AFG1L: variants seen among roughly 807,000 people sequenced by gnomAD.
AFG1L encodes the protein AFG1-like ATPase.
In AFG1L, 53 loss-of-function variants were observed where a neutral mutation model predicts 62.2. The observed-to-expected ratio is 0.85, with a 90% CI of 0.68 to 1.07. AFG1L has a LOEUF of 1.07. Among genes scored for constraint, AFG1L ranks in the 50% least tolerant of loss-of-function variants. The pLI, the probability that AFG1L is intolerant of heterozygous loss-of-function variation, is 0.00. For missense variants in AFG1L, 555 were observed against 590.5 expected (o/e 0.94, Z 0.62); for synonymous variants, 228 against 210.3 (o/e 1.08, Z -0.73).
At chr6:108,495,302 C>T (rs1050679616) in intron 10 of AFG1L, among the ~76,000 whole-genome samples, 1 of 152,130 alleles carries the variant, frequency 6.6e-6, no homozygotes, top group Middle Eastern at 3.2e-3. Flanking sequence ...CAGCTATCAG[C>T]GTATTCCTAC....
chr6:108,423,485 A>C (rs1028601435), intron 7 of AFG1L, among the ~76,000 whole-genome samples: 3 of 152,086 alleles, frequency 2.0e-5, no homozygotes, highest in Non-Finnish European at 4.4e-5. Context: ...TTAGGGCTTC[A>C]AGATATCTAA....
chr6:108,366,324 C>G lies in AFG1L; in HGVS notation c.740C>G (p.Pro247Arg). Residue 247 changes from proline (P) to arginine (R), a missense_variant, in exon 6 of 13, where the codon CCA (proline) becomes CGA (arginine). Coordinates refer to ENST00000368977, the MANE Select transcript of AFG1L (RefSeq NM_145315.5). ...GTCGTTGTGGCAACATCCAACAGGC[C>G]ACCGGAAGGTAAAAACAAACATTGT... ...GVVVVATSNR[P>R]PEDLYKNGLQ... The G allele has an allele frequency of 6.2e-7, 1 of 1,608,696 alleles. No individual in the cohort carries two copies. The highest frequency in any genetic ancestry group is 1.1e-5 in the South Asian group (1 of 90,674).
chr6:108,364,875 A>AG (rs1359130390), intron 5 of AFG1L, among the ~76,000 whole-genome samples: 1 of 151,636 alleles, frequency 6.6e-6, no homozygotes, highest in Non-Finnish European at 1.5e-5. Flanking sequence ...CAAAAAAAAA[A>AG]AAAAAAAAAA....
intron 6 of AFG1L, among the ~76,000 whole-genome samples, chr6:108,387,107 A>T (rs1262542939): frequency 6.6e-6 from 1 of 152,254 alleles, no homozygotes; most frequent in Non-Finnish European, 1.5e-5. Context: ...AAAGACACAG[A>T]TAGATCAAAA....
intron 1 of AFG1L, chr6:108,318,238 A>G: frequency 3.2e-6 from 1 of 312,682 alleles, no homozygotes; most frequent in Non-Finnish European, 6.1e-6. Context: ...TCATCATCAT[A>G]GGCAGACTAA....
intron 1 of AFG1L, among the ~76,000 whole-genome samples, chr6:108,306,297 T>C (rs1777195475): frequency 6.6e-6 from 1 of 152,232 alleles, no homozygotes; most frequent in Non-Finnish European, 1.5e-5. Context: ...AGCTTCTGCC[T>C]TAACTGCTTC....
intron 10 of AFG1L, among the ~76,000 whole-genome samples, chr6:108,478,507 T>C (rs1773213496): frequency 6.6e-6 from 1 of 152,230 alleles, no homozygotes; most frequent in East Asian, 1.9e-4. Flanking sequence ...GACAGGGTGG[T>C]AATGTTGATC....
intron 10 of AFG1L, among the ~76,000 whole-genome samples, chr6:108,507,874 C>T (rs893230525): frequency 6.6e-5 from 10 of 152,048 alleles, no homozygotes; most frequent in African/African-American, 2.2e-4. Context: ...TCATCTGGTG[C>T]CTGCTGTGAC....
intron 7 of AFG1L, among the ~76,000 whole-genome samples, chr6:108,415,629 C>T (rs1439433726): frequency 6.6e-6 from 1 of 152,160 alleles, no homozygotes; most frequent in Non-Finnish European, 1.5e-5. Context: ...CATCTGCAAC[C>T]ATCTGATCTT....
chr6:108,464,877 G>A (rs933706176), intron 8 of AFG1L, among the ~76,000 whole-genome samples: 3 of 152,176 alleles, frequency 2.0e-5, no homozygotes, highest in African/African-American at 7.2e-5. Flanking sequence ...TTATCAGTGG[G>A]TAGACTTTCT....
chr6:108,322,245 G>A (rs1777840774), intron 1 of AFG1L, among the ~76,000 whole-genome samples: 1 of 152,082 alleles, frequency 6.6e-6, no homozygotes, highest in African/African-American at 2.4e-5. Context: ...ATCCAGGTAG[G>A]CAATCCAAAG....
intron 11 of AFG1L, among the ~76,000 whole-genome samples, chr6:108,514,232 C>G (rs1052050363): frequency 6.6e-6 from 1 of 152,208 alleles, no homozygotes; most frequent in African/African-American, 2.4e-5. Flanking sequence ...GAAGGCAGCT[C>G]CTCGCTAGCA....
intron 1 of AFG1L, among the ~76,000 whole-genome samples, chr6:108,303,960 T>A (rs776657255): frequency 1.9e-4 from 29 of 152,224 alleles, no homozygotes; most frequent in Admixed American, 8.5e-4. Context: ...TTTATTCAGA[T>A]CTTTAGGCAT....
chr6:108,334,053 G>T (rs1030138236), intron 2 of AFG1L, among the ~76,000 whole-genome samples: 2 of 152,122 alleles, frequency 1.3e-5, no homozygotes, highest in Non-Finnish European at 2.9e-5. Flanking sequence ...TGTCACATAG[G>T]CTGGAGTTCA....
At position 108,506,301 on chromosome 6, in the gene AFG1L, A is replaced by G. The variant is rs560432709; in HGVS notation, c.1063-3911A>G. Reference sequence around the variant, plus strand: ...CAGCTCACTGCAAACTCAGACTCCCAGGCTCAAACGATCCTCCTACCTCAG... The same window carrying G: ...CAGCTCACTGCAAACTCAGACTCCCGGGCTCAAACGATCCTCCTACCTCAG... On this transcript the variant is annotated intron_variant, in intron 10 of 12. Coordinates refer to ENST00000368977, the MANE Select transcript of AFG1L (RefSeq NM_145315.5). Among the ~76,000 whole-genome samples, 8 of 152,266 alleles carry G rather than the reference A, an allele frequency of 5.3e-5. No individual in the cohort carries two copies. In the South Asian group the frequency reaches 1.2e-3, roughly 24 times the overall value.
At chr6:108,363,857 GT>G (rs1779640230) in intron 5 of AFG1L, among the ~76,000 whole-genome samples, 2 of 152,212 alleles carry the variant, frequency 1.3e-5, no homozygotes, top group South Asian at 4.1e-4. Context: ...GCTTATTTTT[GT>G]GCTAATCCTA....
chr6:108,438,303 C>A (rs1771399110), intron 7 of AFG1L, among the ~76,000 whole-genome samples: 1 of 152,180 alleles, frequency 6.6e-6, no homozygotes, highest in African/African-American at 2.4e-5. Flanking sequence ...GGTTTGGTCT[C>A]TCCTGAGGCC....
rs926811056 is a variant in AFG1L at position 108,366,296 on chromosome 6, G to T, written c.712G>T (p.Val238Phe). The T allele has an allele frequency of 2.5e-6, 4 of 1,612,080 alleles. No individual in the cohort carries two copies. The African/African-American group carries it at 4.0e-5, about 16-fold the overall frequency. Residue 238 changes from valine (V) to phenylalanine (F), a missense_variant, in exon 6 of 13, where the codon GTC (valine) becomes TTC (phenylalanine). Physicochemically the swap from Val to Phe is conservative, Grantham distance 50 (BLOSUM62 -1). Coordinates refer to ENST00000368977, the MANE Select transcript of AFG1L (RefSeq NM_145315.5). Reference protein sequence around the residue: ...QLFENLFKNGVVVVATSNRPP... With the variant: ...QLFENLFKNGFVVVATSNRPP... ...TTTTGAAAATCTGTTCAAAAACGGG[G>T]TCGTCGTTGTGGCAACATCCAACAG... is the stretch of plus-strand genomic sequence containing the variant.
At position 108,356,832 on chromosome 6, in the gene AFG1L, A is replaced by T. The variant is rs1241968569; in HGVS notation, c.648+12A>T. The T allele has an allele frequency of 6.2e-7, 1 of 1,602,384 alleles. No individual in the cohort carries two copies. Among genetic ancestry groups the T allele is most frequent in the African/African-American group, 1.3e-5 (1 of 74,284 alleles). On this transcript the variant is annotated intron_variant, in intron 5 of 12. Coordinates refer to ENST00000368977, the MANE Select transcript of AFG1L (RefSeq NM_145315.5). Reference sequence around the variant, plus strand: ...TTGATGAATTTCAGGTAAAGTAGAGATTTTTCATAGATATAGAATGGTATA... The same window carrying T: ...TTGATGAATTTCAGGTAAAGTAGAGTTTTTTCATAGATATAGAATGGTATA...
Sources: allele counts gnomAD v4.1 joint callset (sites outside exome capture counted in the v4.1 genomes callset), GRCh38; gene constraint gnomAD v4.1.1; transcripts MANE v1.5; gene names NCBI Gene and HGNC (gene_info 2026-07-23, HGNC 2026-07-21).